Variants in PPP1R21 observed in about 807,000 individuals in gnomAD.
PPP1R21 encodes the protein KLRAQ motif containing 1.
Under a neutral mutation model 112.8 loss-of-function variants are expected in PPP1R21, and 85 were observed. That is an observed-to-expected ratio of 0.75 (90% CI 0.63 to 0.90). PPP1R21 has a LOEUF of 0.90. PPP1R21 is among the 40% of genes least tolerant of loss of function. The pLI is 0.00. For synonymous variants in PPP1R21, 381 were observed against 322.3 expected, an observed-to-expected ratio of 1.18 and a Z score of -1.95; for missense variants, 1,199 against 901.5, an observed-to-expected ratio of 1.33 and a Z score of -4.23.
At chr2:48,449,558 C>G (rs1667388575) in intron 1 of PPP1R21, among the ~76,000 whole-genome samples, 1 of 152,052 alleles carries the variant, frequency 6.6e-6, no homozygotes, top group South Asian at 2.1e-4. Flanking sequence ...TGTTGAATAT[C>G]CTGCAGTATT....
intron 14 of PPP1R21, 63 bp downstream of exon 14, chr2:48,486,821 A>T (rs1274794201): frequency 9.8e-6 from 15 of 1,536,090 alleles, no homozygotes; most frequent in Non-Finnish European, 1.1e-5. Flanking sequence ...TTTCTGAGGG[A>T]CATAGGAAAA....
chr2:48,441,783 A>C (rs1667042530), intron 1 of PPP1R21, among the ~76,000 whole-genome samples: 1 of 152,200 alleles, frequency 6.6e-6, no homozygotes, highest in African/African-American at 2.4e-5. Flanking sequence ...GAATATTTTA[A>C]TGAAGTTATT....
At chr2:48,475,779 A>G (rs188151779) in intron 12 of PPP1R21, among the ~76,000 whole-genome samples, 126 of 152,152 alleles carry the variant, frequency 8.3e-4, no homozygotes, top group African/African-American at 2.8e-3. Flanking sequence ...CCTGGGAGGC[A>G]GAGGATGCAG....
At position 48,466,911 on chromosome 2, in the gene PPP1R21, G is replaced by A. The variant is rs141962985; in HGVS notation, c.897+1269G>A. Among the ~76,000 whole-genome samples the A allele has an allele frequency of 2.0e-5, 3 of 152,258 alleles. No individual in the cohort carries two copies. In the East Asian group the frequency reaches 5.8e-4, roughly 29 times the overall value. On this transcript the variant is annotated intron_variant, in intron 9 of 21. Coordinates refer to ENST00000294952, the MANE Select transcript of PPP1R21 (RefSeq NM_001135629.3). ...CTCCAGGTTCTAAAAGGCCCCTAAG[G>A]GCAGGCCAAGACATAGACCTTCACT...
Position 48,460,265 on chromosome 2 carries a change from G to A in PPP1R21, c.599+112G>A, listed in dbSNP as rs1017248855. The A allele has an allele frequency of 9.5e-6, 10 of 1,058,106 alleles. No homozygotes were observed. In the African/African-American group the frequency reaches 1.6e-4, roughly 17 times the overall value. 65.5% of individuals were successfully genotyped at this position (1,058,106 alleles called of 1,614,324 possible). On this transcript the variant is annotated intron_variant, in intron 6 of 21. Transcript: ENST00000294952. ...TGTCTTACATTTAAAAGGAGAAAATGGGAGTAATCTACAGGGTCCTTTTCA... is the reference window on the plus strand; with the variant it reads ...TGTCTTACATTTAAAAGGAGAAAATAGGAGTAATCTACAGGGTCCTTTTCA...
At chr2:48,466,675 A>C (rs1480421827) in intron 9 of PPP1R21, among the ~76,000 whole-genome samples, 1 of 152,110 alleles carries the variant, frequency 6.6e-6, no homozygotes, top group African/African-American at 2.4e-5. Context: ...AAAAATTAGC[A>C]AGGTTTAAAT....
chr2:48,469,203 T>C (rs887901877), intron 9 of PPP1R21, among the ~76,000 whole-genome samples: 4 of 148,744 alleles, frequency 2.7e-5, no homozygotes, highest in African/African-American at 7.4e-5. Context: ...TTCTGGGAGA[T>C]ACAATTCAGG....
At chr2:48,485,820 A>T (rs1669257120) in intron 13 of PPP1R21, among the ~76,000 whole-genome samples, 1 of 149,930 alleles carries the variant, frequency 6.7e-6, no homozygotes, top group African/African-American at 2.4e-5. Context: ...TTGCTATAAA[A>T]ATTTTCATGT....
At chr2:48,502,782 G>T (rs1204006533) in intron 17 of PPP1R21, among the ~76,000 whole-genome samples, 1 of 145,572 alleles carries the variant, frequency 6.9e-6, no homozygotes, top group Non-Finnish European at 1.5e-5. Context: ...CCGGGTTCAC[G>T]CCATTCTCCT....
intron 13 of PPP1R21, among the ~76,000 whole-genome samples, chr2:48,485,038 A>G (rs1275118372): frequency 1.3e-5 from 2 of 152,128 alleles, no homozygotes; most frequent in African/African-American, 4.8e-5. Flanking sequence ...AATTCAGTAT[A>G]CAAAAAGCAT....
chr2:48,497,897 C>T (rs28606417), intron 16 of PPP1R21, among the ~76,000 whole-genome samples: 222 of 152,026 alleles, frequency 1.5e-3, no homozygotes, highest in African/African-American at 5.0e-3. Flanking sequence ...GTGATCAGCC[C>T]GCCTCGGCCT....
chr2:48,489,447 G>A (rs973958327), intron 14 of PPP1R21, among the ~76,000 whole-genome samples: 3 of 151,706 alleles, frequency 2.0e-5, no homozygotes, highest in African/African-American at 7.3e-5. Context: ...GCTGCAGTGA[G>A]TCCTCCTACC....
At chr2:48,461,993 A>G (rs558548725) in intron 7 of PPP1R21, among the ~76,000 whole-genome samples, 1 of 152,346 alleles carries the variant, frequency 6.6e-6, no homozygotes, top group South Asian at 2.1e-4. Flanking sequence ...TCATTATTGT[A>G]TCAAAAATTT....
At chr2:48,502,468 C>G (rs1451674438) in intron 17 of PPP1R21, among the ~76,000 whole-genome samples, 2 of 151,506 alleles carry the variant, frequency 1.3e-5, no homozygotes. Flanking sequence ...ACCCCCATGC[C>G]CTTTAAGTGA....
At chr2:48,459,676 G>A in intron 4 of PPP1R21, 78 bp from the exon 5 acceptor site, 1 of 1,492,474 alleles carries the variant, frequency 6.7e-7, no homozygotes. Context: ...GTTGCTCAGT[G>A]AATAGTCACT....
intron 11 of PPP1R21, among the ~76,000 whole-genome samples, chr2:48,473,016 A>G (rs972230100): frequency 6.0e-5 from 9 of 150,890 alleles, no homozygotes; most frequent in Non-Finnish European, 8.9e-5. Context: ...AAAAAAAAAA[A>G]AAGAAAAGAA....
At chr2:48,466,243 G>A (rs980165204) in intron 9 of PPP1R21, among the ~76,000 whole-genome samples, 2 of 150,766 alleles carry the variant, frequency 1.3e-5, no homozygotes, top group Non-Finnish European at 2.9e-5. Flanking sequence ...GTGGAGTCTC[G>A]CTCTGTTGCC....
chr2:48,455,858 G>GA (rs1667697816), intron 3 of PPP1R21, among the ~76,000 whole-genome samples: 1 of 151,674 alleles, frequency 6.6e-6, no homozygotes, highest in Non-Finnish European at 1.5e-5. Flanking sequence ...ACTAAAAATA[G>GA]AAAAAATTAG....
intron 11 of PPP1R21, 150 bp from the exon 12 acceptor site, chr2:48,474,533 G>A (rs1668663668): frequency 1.6e-6 from 1 of 636,534 alleles, no homozygotes; most frequent in Non-Finnish European, 2.7e-6. Context: ...GTATCATGAT[G>A]TAAAAAAATG....
Sources: allele counts gnomAD v4.1 joint callset (sites outside exome capture counted in the v4.1 genomes callset), GRCh38; gene constraint gnomAD v4.1.1; transcripts MANE v1.5; gene names NCBI Gene and HGNC (gene_info 2026-07-23, HGNC 2026-07-21).